TMEM45A: variants seen among roughly 807,000 people sequenced by gnomAD.
TMEM45A encodes the protein DNA polymerase-transactivated protein 4.
Under a neutral mutation model 32.0 loss-of-function variants are expected in TMEM45A, and 25 were observed. The observed-to-expected ratio is 0.78, with a 90% confidence interval of 0.57 to 1.09. The LOEUF is 1.09. Among genes scored for constraint, TMEM45A ranks in the 50% least tolerant of loss-of-function variants. TMEM45A has a pLI of 0.00. For missense variants in TMEM45A, 302 were observed against 325.0 expected, an observed-to-expected ratio of 0.93 and a Z score of 0.54; for synonymous variants, 122 against 114.8, an observed-to-expected ratio of 1.06 and a Z score of -0.40.
At chr3:100,539,973 A>G (rs1489114375) in intron 1 of TMEM45A, among the ~76,000 whole-genome samples, 1 of 152,240 alleles carries the variant, frequency 6.6e-6, no homozygotes, top group Non-Finnish European at 1.5e-5. Flanking sequence ...AATGGATTAT[A>G]TACCTAAATG....
At chr3:100,555,887 C>T (rs1469456539) in intron 2 of TMEM45A, among the ~76,000 whole-genome samples, 1 of 152,164 alleles carries the variant, frequency 6.6e-6, no homozygotes, top group Non-Finnish European at 1.5e-5. Context: ...AATTTCCTTG[C>T]CAAATTCTAT....
chr3:100,573,893 G>T (rs1469433073), intron 5 of TMEM45A: 1 of 152,154 alleles, frequency 6.6e-6, no homozygotes, highest in Non-Finnish European at 1.5e-5. Flanking sequence ...TTATATGCTG[G>T]ATTACATTTA....
intron 1 of TMEM45A, among the ~76,000 whole-genome samples, chr3:100,550,195 T>TAA (rs768800338): frequency 0.36 from 48,376 of 132,818 alleles, 8,843 homozygotes; most frequent in Middle Eastern, 0.48. Context: ...TAAAGCATAA[T>TAA]AAAAAAAAAA....
chr3:100,543,337 T>C (rs1280682915), intron 1 of TMEM45A, among the ~76,000 whole-genome samples: 1 of 152,130 alleles, frequency 6.6e-6, no homozygotes, highest in Non-Finnish European at 1.5e-5. Flanking sequence ...CAAGAGAGCA[T>C]GTATAGGAAT....
rs558937825 is a variant in TMEM45A at position 100,573,374 on chromosome 3, G to A, written c.735-3551G>A. On this transcript the variant is annotated intron_variant, in intron 5 of 5. Coordinates refer to ENST00000323523, the MANE Select transcript of TMEM45A (RefSeq NM_018004.3). ...TTCTCTTTGAAGCAATTGTGAATGG[G>A]AGTTAATTCATGATTTGGCTCTCTG... 1.1e-3 allele frequency: 163 copies of A among 152,236 alleles called. 1 individual carries two copies. The highest frequency in any genetic ancestry group is 3.8e-3 in the African/African-American group (158 of 41,526). The allele number at this position is 152,236 out of a possible 1,614,324, so 9.4% of individuals were successfully genotyped here.
chr3:100,526,305 C>G (rs1705543422), intron 1 of TMEM45A, among the ~76,000 whole-genome samples: 1 of 152,178 alleles, frequency 6.6e-6, no homozygotes, highest in South Asian at 2.1e-4. Context: ...GCCTCTTTAG[C>G]TTGAGGAACT....
intron 1 of TMEM45A, among the ~76,000 whole-genome samples, chr3:100,537,781 C>T (rs1705771717): frequency 6.6e-6 from 1 of 152,224 alleles, no homozygotes; most frequent in African/African-American, 2.4e-5. Flanking sequence ...GCAACTCTCT[C>T]CTTTAGAAGC....
At chr3:100,568,332 A>G (rs1164814945) in intron 4 of TMEM45A, among the ~76,000 whole-genome samples, 1 of 152,190 alleles carries the variant, frequency 6.6e-6, no homozygotes, top group African/African-American at 2.4e-5. Flanking sequence ...CTCTAGCTAA[A>G]TCTTAACTTA....
chr3:100,512,263 T>A (rs1480966445), intron 1 of TMEM45A, among the ~76,000 whole-genome samples: 1 of 152,170 alleles, frequency 6.6e-6, no homozygotes, highest in Non-Finnish European at 1.5e-5. Context: ...ACAGAAATTA[T>A]AACAAACTAT....
intron 1 of TMEM45A, chr3:100,519,443 A>T: frequency 1.2e-6 from 1 of 827,660 alleles, no homozygotes; most frequent in Non-Finnish European, 2.0e-6. Flanking sequence ...GTTTCAGCCT[A>T]TTGATTTTTT....
intron 1 of TMEM45A, among the ~76,000 whole-genome samples, chr3:100,501,397 C>T (rs935616888): frequency 6.6e-6 from 1 of 152,182 alleles, no homozygotes; most frequent in African/African-American, 2.4e-5. Context: ...GATGGTTGGC[C>T]TGGGTTGAGA....
rs1248175812 is a variant in TMEM45A at position 100,492,916 on chromosome 3, C to T, written c.-16C>T. Reference sequence around the variant, plus strand: ...TGGGAAAAATAAAGTGTTGAGTAAACAGACCAAGTTGGGTAAGTTTTGGAT... The same window carrying T: ...TGGGAAAAATAAAGTGTTGAGTAAATAGACCAAGTTGGGTAAGTTTTGGAT... On this transcript the variant is annotated 5_prime_UTR_variant, in exon 1 of 6. Coordinates refer to ENST00000323523, the MANE Select transcript of TMEM45A (RefSeq NM_018004.3). 2 of 152,062 alleles carry T rather than the reference C, an allele frequency of 1.3e-5. No individual in the cohort carries two copies. The highest frequency in any genetic ancestry group is 1.5e-5 in the Non-Finnish European group (1 of 68,034). 9.4% of individuals were successfully genotyped at this position (152,062 alleles called of 1,614,324 possible).
chr3:100,574,587 A>G (rs1427112608), intron 5 of TMEM45A: 1 of 152,352 alleles, frequency 6.6e-6, no homozygotes, highest in South Asian at 2.1e-4. Context: ...AAGAATTTTT[A>G]CAGCCCGTCG....
At chr3:100,546,668 C>T in intron 1 of TMEM45A, among the ~76,000 whole-genome samples, 1 of 152,188 alleles carries the variant, frequency 6.6e-6, no homozygotes, top group East Asian at 1.9e-4. Context: ...TGGCTCTGTG[C>T]AAAGCTTTAC....
intron 1 of TMEM45A, among the ~76,000 whole-genome samples, chr3:100,552,855 C>T (rs1706136863): frequency 6.6e-6 from 1 of 152,148 alleles, no homozygotes; most frequent in African/African-American, 2.4e-5. Context: ...CCTCTGCTTT[C>T]AAGGAGTTTA....
Position 100,513,639 on chromosome 3 carries a change from G to A in TMEM45A, c.-4+20711G>A, listed in dbSNP as rs1177686844. ...AGTTCTGGCCAGGGCAATTAGGCAG[G>A]AGAAGGAAATAAAGGGTATTCAATT... On this transcript the variant is annotated intron_variant, in intron 1 of 5. Transcript: ENST00000323523. Among the ~76,000 whole-genome samples, 911 of 150,956 alleles carry A rather than the reference G, an allele frequency of 6.0e-3. 9 individuals carry two copies. Among genetic ancestry groups the A allele is most frequent in the Non-Finnish European group, 7.5e-3 (506 of 67,648 alleles).
intron 1 of TMEM45A, among the ~76,000 whole-genome samples, chr3:100,547,907 T>G (rs912654728): frequency 6.6e-6 from 1 of 152,210 alleles, no homozygotes; most frequent in African/African-American, 2.4e-5. Flanking sequence ...TTGTGTTTTA[T>G]TTTTAAAGAC....
intron 1 of TMEM45A, among the ~76,000 whole-genome samples, chr3:100,509,475 C>A (rs191704246): frequency 6.5e-4 from 99 of 152,288 alleles, no homozygotes; most frequent in African/African-American, 2.1e-3. Flanking sequence ...CAAGGGGATA[C>A]CTGTACTCCC....
intron 1 of TMEM45A, among the ~76,000 whole-genome samples, chr3:100,550,003 A>G (rs1706059945): frequency 7.6e-6 from 1 of 131,774 alleles, no homozygotes; most frequent in African/African-American, 2.9e-5. Context: ...AGTCTTTGCT[A>G]TTGTGAATAA....
Sources: allele counts gnomAD v4.1 joint callset (sites outside exome capture counted in the v4.1 genomes callset), GRCh38; gene constraint gnomAD v4.1.1; transcripts MANE v1.5; gene names NCBI Gene and HGNC (gene_info 2026-07-23, HGNC 2026-07-21).